The following NEB variants were observed in gnomAD, a reference collection of about 807,000 sequenced individuals.
The protein encoded by NEB is nebulin, also known as nemaline myopathy type 2.
Under a neutral mutation model 952.2 loss-of-function variants are expected in NEB, and 512 were observed. The ratio of observed to expected loss-of-function variants is 0.54; its 90% CI spans 0.50 to 0.58. The LOEUF (loss-of-function observed/expected upper bound fraction) is 0.58, where lower values mean the gene tolerates loss of function less well. Among genes scored for constraint, NEB ranks in the 20% least tolerant of loss-of-function variants. NEB has a pLI of 0.00. For synonymous variants in NEB, 2,900 were observed against 3,149.8 expected, an observed-to-expected ratio of 0.92 and a Z score of 2.66; for missense variants, 8,428 against 9,231.1, an observed-to-expected ratio of 0.91 and a Z score of 3.56.
intron 65 of NEB, among the ~76,000 whole-genome samples, chr2:151,632,660 A>T (rs187125274): frequency 1.4e-5 from 2 of 145,238 alleles, no homozygotes; most frequent in African/African-American, 5.0e-5. Flanking sequence ...TGGGCGACAG[A>T]GGGAGACTCT....
intron 161 of NEB, among the ~76,000 whole-genome samples, chr2:151,510,404 A>G (rs2073216828): frequency 6.6e-6 from 1 of 152,224 alleles, no homozygotes. Context: ...GGCTTTTAAT[A>G]TCTAACTTAA....
chr2:151,630,287 G>A (rs1206275414), intron 67 of NEB, among the ~76,000 whole-genome samples: 1 of 152,056 alleles, frequency 6.6e-6, no homozygotes, highest in Non-Finnish European at 1.5e-5. Flanking sequence ...TATGCCTAAG[G>A]TTTTCTTTCT....
At position 151,621,279 on chromosome 2, in the gene NEB, C is replaced by T. The variant is rs142627072; in HGVS notation, c.10453-253G>A. ...TTTTACACGTTATACATTAAATGAA[C>T]ACCTCTTAATGTGTTTAGATTGTTC... On this transcript the variant is annotated intron_variant, in intron 71 of 181. Coordinates refer to ENST00000397345, the MANE Select transcript of NEB (RefSeq NM_001164508.2). 1.5e-3 allele frequency among the ~76,000 whole-genome samples: 223 copies of T among 152,302 alleles called. 1 individual carries two copies. Among genetic ancestry groups the T allele is most frequent in the African/African-American group, 5.1e-3 (212 of 41,574 alleles).
chr2:151,505,656 C>A, intron 164 of NEB, 86 bp from the exon 165 acceptor site: 1 of 1,146,028 alleles, frequency 8.7e-7, no homozygotes, highest in Admixed American at 1.7e-5. Flanking sequence ...TTTGTAGCCC[C>A]CAAATTAAAA....
At position 151,546,001 on chromosome 2, in the gene NEB, T is replaced by TAAAAA. The variant is rs10687343; in HGVS notation, c.20467-8_20467-4dup. On this transcript the variant is annotated splice_polypyrimidine_tract_variant and splice_region_variant and intron_variant, in intron 134 of 181. Coordinates refer to ENST00000397345, the MANE Select transcript of NEB (RefSeq NM_001164508.2). ...TTATCAGTGTATAGGTAATTAGACTTAAAAAAAAAAAAAAAAACAGAAATA... is the reference window on the plus strand; with the variant it reads ...TTATCAGTGTATAGGTAATTAGACTTAAAAAAAAAAAAAAAAAAAAAACAGAAATA... 3.2e-4 allele frequency: 303 copies of TAAAAA among 948,038 alleles called. No individual in the cohort carries two copies. Among genetic ancestry groups the TAAAAA allele is most frequent in the South Asian group, 4.9e-4 (32 of 65,098 alleles). 58.7% of individuals were successfully genotyped at this position (948,038 alleles called of 1,614,324 possible).
intron 71 of NEB, among the ~76,000 whole-genome samples, chr2:151,625,215 A>T (rs866698736): frequency 6.6e-6 from 1 of 152,198 alleles, no homozygotes; most frequent in Admixed American, 6.5e-5. Flanking sequence ...ATTTTGAAGC[A>T]AGTACTAATT....
intron 133 of NEB, among the ~76,000 whole-genome samples, chr2:151,546,698 A>T (rs894166079): frequency 2.0e-5 from 3 of 151,594 alleles, no homozygotes; most frequent in Admixed American, 6.6e-5. Context: ...AGCTGGGATT[A>T]CAGGCGTACA....
intron 120 of NEB, 96 bp from the exon 121 acceptor site, chr2:151,562,310 CT>C: frequency 9.1e-7 from 1 of 1,094,980 alleles, no homozygotes; most frequent in Non-Finnish European, 1.4e-6. Context: ...GTGCTTATTG[CT>C]TAGAAGACAT....
At chr2:151,550,732 G>A (rs2095269460) in intron 129 of NEB, among the ~76,000 whole-genome samples, 2 of 152,130 alleles carry the variant, frequency 1.3e-5, no homozygotes, top group South Asian at 2.1e-4. Context: ...TGACCTCCCT[G>A]GGCTGAGGTA....
rs765921628 is a variant in NEB, at chr2:151,524,613, C to T, written c.22276G>A (p.Ala7426Thr). The T allele has an allele frequency of 1.1e-5, 17 of 1,496,034 alleles. No individual in the cohort carries two copies. Among genetic ancestry groups the T allele is most frequent in the East Asian group, 5.0e-5 (2 of 40,004 alleles). The allele number at this position is 1,496,034 out of a possible 1,614,324, so 92.7% of individuals were successfully genotyped here. ...TTCTCTTTGGCATCTTTTCTGTAAG[C>T]GACCTTTATTGGGGAAGAAAATGTT... ...MEVAKKQSDV[A>T]YRKDAKENLH... The change falls in exon 152 of 182, where the codon GCT (alanine) becomes ACT (threonine). Residue 7426 changes from alanine (A) to threonine (T), a missense_variant. Transcript: ENST00000397345.
At chr2:151,682,099 C>T (rs1035583173) in intron 29 of NEB, among the ~76,000 whole-genome samples, 1 of 152,032 alleles carries the variant, frequency 6.6e-6, no homozygotes, top group Non-Finnish European at 1.5e-5. Context: ...AAATTACAAG[C>T]AGAAACATTA....
intron 85 of NEB, among the ~76,000 whole-genome samples, chr2:151,604,188 C>T (rs1300068137): frequency 7.5e-5 from 9 of 119,550 alleles, no homozygotes; most frequent in South Asian, 2.8e-4. Context: ...TCGATATCCA[C>T]CCTGCCCCCC....
At chr2:151,506,868 G>T (rs1366150374) in intron 163 of NEB, 41 bp downstream of exon 163, 33 of 1,276,396 alleles carry the variant, frequency 2.6e-5, no homozygotes, top group Non-Finnish European at 3.5e-5. Context: ...AGAGTGAAAT[G>T]ACTAGGTTAG....
intron 131 of NEB, 128 bp downstream of exon 131, chr2:151,548,180 A>G (rs1470456974): frequency 1.2e-5 from 9 of 768,120 alleles, no homozygotes; most frequent in Non-Finnish European, 1.9e-5. Context: ...TGTGACAATA[A>G]GGACCTTTTT....
In NEB at chr2:151,497,552, T is replaced by TA. The variant is rs1445777616; in HGVS notation, c.24300+73dup. 9 of 1,525,026 alleles carry TA rather than the reference T, an allele frequency of 5.9e-6. No homozygotes were observed. The African/African-American group carries it at 1.3e-4, about 21-fold the overall frequency. 94.5% of individuals were successfully genotyped at this position (1,525,026 alleles called of 1,614,324 possible). On this transcript the variant is annotated intron_variant, in intron 171 of 181. Coordinates refer to ENST00000397345, the MANE Select transcript of NEB (RefSeq NM_001164508.2). Reference sequence around the variant, plus strand: ...AGTTGTCTTTAAAAAGTAGGATTAATACGTATTATTTTAAATCATGAAAGT... The same window carrying TA: ...AGTTGTCTTTAAAAAGTAGGATTAATAACGTATTATTTTAAATCATGAAAGT...
At position 151,562,153 on chromosome 2, in the gene NEB, G is replaced by C; in HGVS notation, c.18953C>G (p.Pro6318Arg). The change falls in exon 121 of 182, where the codon CCC becomes CGC. Residue 6318 changes from proline (P) to arginine (R), a missense_variant. By Grantham distance (103) the Pro-to-Arg change is moderately radical. Around this residue, in one of 11 missense-constraint regions of NEB, gnomAD observed 3,374 missense variants for 3,651.5 expected, o/e 0.92. Coordinates refer to ENST00000397345, the MANE Select transcript of NEB (RefSeq NM_001164508.2). Reference sequence around the variant, plus strand: ...TGATTTCTTGGCATGGAGGATTTGGGGTGTATCCCAAACGTAGCAACCAAT... The same window carrying C: ...TGATTTCTTGGCATGGAGGATTTGGCGTGTATCCCAAACGTAGCAACCAAT... ...KGIGCYVWDT[P>R]QILHAKKSYD... is the part of the protein sequence containing the mutation. 1.2e-6 allele frequency: 2 copies of C among 1,613,530 alleles called. No individual in the cohort carries two copies. Among genetic ancestry groups the C allele is most frequent in the Non-Finnish European group, 1.7e-6 (2 of 1,179,598 alleles).
chr2:151,704,138 C>T (rs1382960677), intron 13 of NEB, among the ~76,000 whole-genome samples: 1 of 66,876 alleles, frequency 1.5e-5, no homozygotes, highest in Non-Finnish European at 3.0e-5. Flanking sequence ...GTCAGTGTGC[C>T]CCTGCTGGGG....
chr2:151,533,293 GATC>G (rs2092237337), intron 143 of NEB, 146 bp downstream of exon 143: 1 of 595,308 alleles, frequency 1.7e-6, no homozygotes. Context: ...CACATTCAGA[GATC>G]ATTTACAAGG....
chr2:151,678,082 G>T lies in NEB; in HGVS notation c.3361C>A (p.Gln1121Lys). 1 of 1,613,764 alleles carries T rather than the reference G, an allele frequency of 6.2e-7. No individual in the cohort carries two copies. Among genetic ancestry groups the T allele is most frequent in the African/African-American group, 1.3e-5 (1 of 75,010 alleles). ...TCTTTTTTATACTCCCGATCTGATT[G>T]TATCTTGGCCACGTTCATATAATGA... ...LVHYMNVAKI[Q>K]SDREYKKDYE... The change falls in exon 33 of 182, where the codon CAA (glutamine) becomes AAA (lysine). Residue 1121 changes from glutamine (Q) to lysine (K), a missense_variant. Coordinates refer to ENST00000397345, the MANE Select transcript of NEB (RefSeq NM_001164508.2).
Sources: allele counts gnomAD v4.1 joint callset (sites outside exome capture counted in the v4.1 genomes callset), GRCh38; gene constraint gnomAD v4.1.1; regional missense constraint gnomAD v4.1.1; transcripts MANE v1.5; gene names NCBI Gene and HGNC (gene_info 2026-07-23, HGNC 2026-07-21).